The following CCDC86 variants were observed in gnomAD, a reference collection of about 807,000 sequenced individuals.
CCDC86 encodes coiled-coil domain containing 86.
A neutral mutation model predicts 36.7 loss-of-function variants in CCDC86; 28 were observed. That is an observed-to-expected ratio of 0.76 (90% confidence interval 0.57 to 1.05). CCDC86 has a LOEUF of 1.05. CCDC86 is among the 50% of genes least tolerant of loss of function. The pLI is 0.00. For missense variants in CCDC86, 453 were observed against 470.2 expected (o/e 0.96, Z 0.34); for synonymous variants, 199 against 203.4 (o/e 0.98, Z 0.18).
In CCDC86 at chr11:60,842,337, T is replaced by C; in HGVS notation, c.213T>C (p.Arg71=). 1 of 1,613,716 alleles carries C rather than the reference T, an allele frequency of 6.2e-7. No homozygotes were observed. The highest frequency in any genetic ancestry group is 8.5e-7 in the Non-Finnish European group (1 of 1,179,910). ...RPPKTSPGSP[R]LQQGAGLESP... is the part of the protein sequence containing the mutation. Reference sequence around the variant, plus strand: ...CGAAGACAAGCCCAGGATCACCCCGTCTGCAGCAGGGTGCAGGCTTGGAGT... The same window carrying C: ...CGAAGACAAGCCCAGGATCACCCCGCCTGCAGCAGGGTGCAGGCTTGGAGT... The change falls in exon 1 of 4, where the codon CGT becomes CGC. Residue 71 remains arginine, a synonymous_variant. Transcript: ENST00000227520.
chr11:60,850,174 G>C (rs771706355), intron 3 of CCDC86, 32 bp from the exon 4 acceptor site: 1 of 1,613,284 alleles, frequency 6.2e-7, no homozygotes. Flanking sequence ...GGCTGCAGCT[G>C]CACTAATGTC....
At chr11:60,845,431 A>G (rs1238096184) in intron 1 of CCDC86, among the ~76,000 whole-genome samples, 2 of 152,222 alleles carry the variant, frequency 1.3e-5, no homozygotes, top group Admixed American at 1.3e-4. Context: ...GGCTGTCTCA[A>G]GAGAACTAAA....
At chr11:60,846,001 A>G (rs903239658) in intron 1 of CCDC86, among the ~76,000 whole-genome samples, 2 of 152,228 alleles carry the variant, frequency 1.3e-5, no homozygotes, top group Non-Finnish European at 2.9e-5. Context: ...CAGTTTCTCT[A>G]TCAACACCAA....
At chr11:60,844,787 G>A (rs1281953864) in intron 1 of CCDC86, among the ~76,000 whole-genome samples, 1 of 152,224 alleles carries the variant, frequency 6.6e-6, no homozygotes, top group Non-Finnish European at 1.5e-5. Flanking sequence ...ATGCCCCAGA[G>A]CCCAGTGCAG....
Position 60,850,308 on chromosome 11 carries a change from C to A in CCDC86, c.1066C>A (p.Pro356Thr). Residue 356 changes from proline to threonine, a missense_variant, in exon 4 of 4, where the codon CCG becomes ACG. Physicochemically the swap from Pro to Thr is conservative, Grantham distance 38 (BLOSUM62 -1). Transcript: ENST00000227520. ...GCTGCAGAAGCAGCCGCCCCAGCAG[C>A]CGGCAGCCAAGATCTGAGCTCAGGA... ...ALLQKQPPQQ[P>T]AAKI The A allele has an allele frequency of 6.2e-7, 1 of 1,614,158 alleles. No homozygotes were observed. The highest frequency in any genetic ancestry group is 1.3e-5 in the African/African-American group (1 of 75,074).
chr11:60,842,200 TC>T lies in CCDC86; in HGVS notation c.77del (p.Ser26CysfsTer120). On this transcript the variant is annotated frameshift_variant, in exon 1 of 4. Coordinates refer to ENST00000227520, the MANE Select transcript of CCDC86 (RefSeq NM_024098.4). LOFTEE classifies it high-confidence loss of function. Reference sequence around the variant, plus strand: ...ATCCCCCGAGAGCCTCACCTCAGTTTCGCGGACGAGACGGGCCCTTGTGGAG... The same window carrying T: ...ATCCCCCGAGAGCCTCACCTCAGTTTGCGGACGAGACGGGCCCTTGTGGAG... Reference protein sequence around the residue: ...PESPESLTSVSRTRRALVEFE... With the variant: ...PESPESLTSVXRTRRALVEFE... 6.2e-7 allele frequency: 1 copy of T among 1,612,968 alleles called. No homozygotes were observed. Among genetic ancestry groups the T allele is most frequent in the Non-Finnish European group, 8.5e-7 (1 of 1,179,760 alleles).
Position 60,842,879 on chromosome 11 carries a change from A to C in CCDC86, c.755A>C (p.Lys252Thr). ...CGAGTGTGGAAGGACCGCTCCAAGA[A>C]AAGGTGAAGTGGGGGACAGCATGGA... ...SGRVWKDRSK[K>T]RFSQMLQDKP... Residue 252 changes from lysine (K) to threonine (T), a missense_variant, in exon 1 of 4, where the codon AAA becomes ACA. Coordinates refer to ENST00000227520, the MANE Select transcript of CCDC86 (RefSeq NM_024098.4). 6.4e-7 allele frequency: 1 copy of C among 1,560,136 alleles called. No homozygotes were observed. The highest frequency in any genetic ancestry group is 1.4e-5 in the African/African-American group (1 of 73,264).
rs549249885 is a variant in CCDC86 at position 60,846,757 on chromosome 11, A to G, written c.759-1167A>G. The stretch of plus-strand genomic sequence containing the variant: ...ACCCAGCTAATTTTGTATTTTTAGT[A>G]GAGACAGGGTTTCTCCATGTTGGTC... On this transcript the variant is annotated intron_variant, in intron 1 of 3. Transcript: ENST00000227520. 2.6e-5 allele frequency among the ~76,000 whole-genome samples: 4 copies of G among 152,134 alleles called. No individual in the cohort carries two copies. In the South Asian group the frequency reaches 6.2e-4, roughly 24 times the overall value.
chr11:60,844,464 T>C (rs551726945), intron 1 of CCDC86, among the ~76,000 whole-genome samples: 46 of 152,320 alleles, frequency 3.0e-4, no homozygotes, highest in Middle Eastern at 3.4e-3. Flanking sequence ...CTCCCATGTG[T>C]GACGCTCCCT....
Position 60,842,660 on chromosome 11 carries a change from T to C in CCDC86, c.536T>C (p.Leu179Pro), listed in dbSNP as rs749788894. The change falls in exon 1 of 4, where the codon CTG becomes CCG. Residue 179 changes from leucine (L) to proline (P), a missense_variant. Coordinates refer to ENST00000227520, the MANE Select transcript of CCDC86 (RefSeq NM_024098.4). ...APGPEPSQPL[L>P]ELTPRAPGSP... ...GGTCCGGAGCCCTCTCAGCCACTACTGGAGCTGACACCCAGGGCACCTGGC... is the reference window on the plus strand; with the variant it reads ...GGTCCGGAGCCCTCTCAGCCACTACCGGAGCTGACACCCAGGGCACCTGGC... 3 of 1,613,932 alleles carry C rather than the reference T, an allele frequency of 1.9e-6. No homozygotes were observed. The highest frequency in any genetic ancestry group is 2.5e-6 in the Non-Finnish European group (3 of 1,180,006).
At chr11:60,844,934 A>G (rs1855165057) in intron 1 of CCDC86, among the ~76,000 whole-genome samples, 1 of 152,278 alleles carries the variant, frequency 6.6e-6, no homozygotes, top group Admixed American at 6.5e-5. Context: ...AACATTCTAA[A>G]TGTGGGAAAC....
intron 1 of CCDC86, chr11:60,843,103 C>T: frequency 1.8e-6 from 1 of 566,682 alleles, no homozygotes; most frequent in Non-Finnish European, 2.9e-6. Flanking sequence ...TGATGCCTTT[C>T]CTCCTCAGGG....
chr11:60,843,168 T>C (rs1371351777), intron 1 of CCDC86, among the ~76,000 whole-genome samples: 1 of 152,242 alleles, frequency 6.6e-6, no homozygotes, highest in Non-Finnish European at 1.5e-5. Context: ...AACAGACATT[T>C]ACCGTTGTCT....
chr11:60,847,925 T>C lies in CCDC86; in HGVS notation c.760T>C (p.Phe254Leu). 6.2e-7 allele frequency: 1 copy of C among 1,609,926 alleles called. No homozygotes were observed. Among genetic ancestry groups the C allele is most frequent in the Non-Finnish European group, 8.5e-7 (1 of 1,177,422 alleles). Residue 254 changes from phenylalanine (F) to leucine (L), a missense_variant and splice_region_variant, in exon 2 of 4, where the codon TTC (phenylalanine) becomes CTC (leucine). Physicochemically the swap from Phe to Leu is conservative, Grantham distance 22. Transcript: ENST00000227520. ...RVWKDRSKKRFSQMLQDKPLR... is the reference protein window; with the variant it reads ...RVWKDRSKKRLSQMLQDKPLR... ...ATGCACCCACTCTCCCCCTTTCAGA[T>C]TCTCCCAGATGCTTCAGGACAAGCC...
At chr11:60,845,474 G>A (rs1338507715) in intron 1 of CCDC86, among the ~76,000 whole-genome samples, 1 of 152,222 alleles carries the variant, frequency 6.6e-6, no homozygotes, top group Non-Finnish European at 1.5e-5. Flanking sequence ...AGTCTGTGGC[G>A]AGGGGCCCAG....
chr11:60,847,757 C>T (rs1371145479), intron 1 of CCDC86, 167 bp from the exon 2 acceptor site: 1 of 851,608 alleles, frequency 1.2e-6, no homozygotes, highest in African/African-American at 1.7e-5. Context: ...AGGGTTCCCT[C>T]CCGCCCCAAG....
In CCDC86 at chr11:60,843,298, G is replaced by A. The variant is rs1390192276; in HGVS notation, c.758+416G>A. On this transcript the variant is annotated intron_variant, in intron 1 of 3. Coordinates refer to ENST00000227520, the MANE Select transcript of CCDC86 (RefSeq NM_024098.4). ...TGCCTTTAAGATAAAAAGTATTACT[G>A]AGCACTGATTATATAAGGATTTACC... 3.9e-5 allele frequency among the ~76,000 whole-genome samples: 6 copies of A among 152,200 alleles called. No individual in the cohort carries two copies. In the East Asian group the frequency reaches 1.2e-3, roughly 29 times the overall value.
rs746571262 is a variant in CCDC86, at chr11:60,842,586, A to G, written c.462A>G (p.Leu154=). Reference sequence around the variant, plus strand: ...CCCCGGGGGCCCCCCAGCATCAGCTACCGCCGGTCCCAGGATCACCAGAGC... The same window carrying G: ...CCCCGGGGGCCCCCCAGCATCAGCTGCCGCCGGTCCCAGGATCACCAGAGC... ...ELTPGAPQHQ[L]PPVPGSPEPY... Residue 154 remains leucine, a synonymous_variant, in exon 1 of 4, where the codon CTA becomes CTG. Transcript: ENST00000227520. The G allele has an allele frequency of 4.3e-6, 7 of 1,613,228 alleles. No individual in the cohort carries two copies. The South Asian group carries it at 7.7e-5, about 18-fold the overall frequency.
intron 1 of CCDC86, among the ~76,000 whole-genome samples, chr11:60,844,390 G>A (rs880739): frequency 0.09 from 13,728 of 152,194 alleles, 691 homozygotes; most frequent in Middle Eastern, 0.13. Flanking sequence ...TAATGAGGCC[G>A]GCAGGCCCAC....
Sources: allele counts gnomAD v4.1 joint callset (sites outside exome capture counted in the v4.1 genomes callset), GRCh38; gene constraint gnomAD v4.1.1; transcripts MANE v1.5; gene names NCBI Gene and HGNC (gene_info 2026-07-23, HGNC 2026-07-21).